Variants in PCDHGB5 observed in about 807,000 individuals in gnomAD.
The protein encoded by PCDHGB5 is protocadherin gamma-B5.
Under a neutral mutation model 62.9 loss-of-function variants are expected in PCDHGB5, and 48 were observed. The observed-to-expected ratio is 0.76, with a 90% CI of 0.61 to 0.97. PCDHGB5 has a LOEUF of 0.97. PCDHGB5 is among the 50% of genes least tolerant of loss of function. The probability of loss-of-function intolerance (pLI) is 0.00; values close to 1 mark genes in which losing one functional copy is unlikely to be tolerated. For missense variants in PCDHGB5, 1,118 were observed against 1,198.6 expected (o/e 0.93, Z 0.99); for synonymous variants, 474 against 511.2 (o/e 0.93, Z 0.98).
At chr5:141,441,725 C>T (rs2098268012) in intron 1 of PCDHGB5, 3 of 352,332 alleles carry the variant, frequency 8.5e-6, no homozygotes. Flanking sequence ...AGGCCCGCGA[C>T]CAGGACTAGC....
At chr5:141,413,295 T>C in intron 1 of PCDHGB5, 1 of 1,613,940 alleles carries the variant, frequency 6.2e-7, no homozygotes, top group Middle Eastern at 1.7e-4. Context: ...ACTCAATTCC[T>C]GAGGAATTAG....
At chr5:141,410,458 T>A in intron 1 of PCDHGB5, 1 of 1,614,040 alleles carries the variant, frequency 6.2e-7, no homozygotes, top group African/African-American at 1.3e-5. Flanking sequence ...CTTATTCTTA[T>A]AATCTGTGCA....
At chr5:141,421,849 G>C in intron 1 of PCDHGB5, 4 of 1,613,766 alleles carry the variant, frequency 2.5e-6, no homozygotes, top group Non-Finnish European at 3.4e-6. Flanking sequence ...GAAAGAGGCT[G>C]CTCACCTGCT....
chr5:141,504,161 T>C (rs931754061), intron 2 of PCDHGB5, among the ~76,000 whole-genome samples: 1 of 152,196 alleles, frequency 6.6e-6, no homozygotes, highest in Non-Finnish European at 1.5e-5. Context: ...AATAATTTCA[T>C]CCTTGGAAAT....
chr5:141,489,267 C>A lies in PCDHGB5; in HGVS notation c.2398-5540C>A. On this transcript the variant is annotated intron_variant, in intron 1 of 3. Transcript: ENST00000617380. This position sits in a 1 kb window ranked among gnomAD's most constrained non-coding sequence, Gnocchi z 4.5. ...TGGGGCCCAAGACACTCCCACAGCT[C>A]GCTGGGAAATGGCAAGTGCTGTGCA... is the stretch of plus-strand genomic sequence containing the variant. 1 of 1,553,300 alleles carries A rather than the reference C, an allele frequency of 6.4e-7. No homozygotes were observed. The highest frequency in any genetic ancestry group is 8.7e-7 in the Non-Finnish European group (1 of 1,149,864).
chr5:141,473,905 G>T (rs940750776), intron 1 of PCDHGB5, among the ~76,000 whole-genome samples: 2 of 152,096 alleles, frequency 1.3e-5, no homozygotes, highest in African/African-American at 4.8e-5. Context: ...TCATGAAGAG[G>T]TCTTAAGAAA....
chr5:141,443,478 C>T (rs2098390426), intron 1 of PCDHGB5, among the ~76,000 whole-genome samples: 1 of 152,052 alleles, frequency 6.6e-6, no homozygotes, highest in East Asian at 1.9e-4. Context: ...AGAATTAGAC[C>T]CTGTCCCAAA....
chr5:141,482,546 A>C (rs1489817593), intron 1 of PCDHGB5, among the ~76,000 whole-genome samples: 1 of 151,868 alleles, frequency 6.6e-6, no homozygotes, highest in African/African-American at 2.4e-5. Context: ...AAAAAAAAAA[A>C]AAAGATAATG....
chr5:141,433,115 G>T, intron 1 of PCDHGB5: 1 of 1,613,762 alleles, frequency 6.2e-7, no homozygotes, highest in Non-Finnish European at 8.5e-7. Context: ...GGAGAGCTTT[G>T]AAAAAAGCGA....
chr5:141,437,478 T>G (rs942305423), intron 1 of PCDHGB5, among the ~76,000 whole-genome samples: 2 of 152,210 alleles, frequency 1.3e-5, no homozygotes, highest in African/African-American at 2.4e-5. Flanking sequence ...TATAGCATAT[T>G]TAATCTCGTA....
intron 2 of PCDHGB5, among the ~76,000 whole-genome samples, chr5:141,501,018 G>A (rs1337771734): frequency 2.0e-5 from 3 of 151,882 alleles, no homozygotes; most frequent in East Asian, 1.9e-4. Context: ...ACAGGCACGC[G>A]CCACCACGCC....
At chr5:141,409,071 A>G in intron 1 of PCDHGB5, 4 of 1,613,996 alleles carry the variant, frequency 2.5e-6, no homozygotes, top group Non-Finnish European at 3.4e-6. Context: ...AGCACAAAAC[A>G]TATGTTCTCA....
intron 1 of PCDHGB5, chr5:141,422,122 A>G (rs758254144): frequency 6.2e-7 from 1 of 1,601,596 alleles, no homozygotes; most frequent in African/African-American, 1.4e-5. Context: ...GGATTCACAA[A>G]CTGGAGAAGT....
intron 1 of PCDHGB5, among the ~76,000 whole-genome samples, chr5:141,445,554 C>T (rs898901856): frequency 3.3e-5 from 5 of 152,102 alleles, no homozygotes; most frequent in African/African-American, 1.2e-4. Context: ...TACAAAAGCA[C>T]TAAGAGAAAG....
intron 1 of PCDHGB5, chr5:141,421,581 C>T (rs2096585155): frequency 2.5e-6 from 4 of 1,613,712 alleles, no homozygotes; most frequent in Admixed American, 1.7e-5. Flanking sequence ...TGAAGATTTA[C>T]GGAGTGGAGG....
intron 1 of PCDHGB5, chr5:141,440,642 A>G (rs1351979857): frequency 6.6e-6 from 1 of 152,234 alleles, no homozygotes; most frequent in African/African-American, 2.4e-5. Context: ...AATTCCTTAC[A>G]AAATTATCAC....
chr5:141,467,284 C>T (rs2099140788), intron 1 of PCDHGB5, among the ~76,000 whole-genome samples: 1 of 152,080 alleles, frequency 6.6e-6, no homozygotes, highest in Non-Finnish European at 1.5e-5. Context: ...AACTCTTGAC[C>T]TCAAGTGATC....
At chr5:141,447,244 A>G (rs1475037979) in intron 1 of PCDHGB5, among the ~76,000 whole-genome samples, 1 of 152,062 alleles carries the variant, frequency 6.6e-6, no homozygotes, top group South Asian at 2.1e-4. Flanking sequence ...GGTTCAAGTG[A>G]TTCTTCTGTC....
intron 1 of PCDHGB5, chr5:141,413,652 G>A: frequency 6.2e-7 from 1 of 1,613,780 alleles, no homozygotes; most frequent in Non-Finnish European, 8.5e-7. Context: ...TTCCTCTCCC[G>A]GAAGCTATTG....
Sources: allele counts gnomAD v4.1 joint callset (sites outside exome capture counted in the v4.1 genomes callset), GRCh38; gene constraint gnomAD v4.1.1; non-coding constraint Gnocchi (gnomAD v3.1); transcripts MANE v1.5; gene names NCBI Gene and HGNC (gene_info 2026-07-23, HGNC 2026-07-21).